Variants in LY6D observed in about 807,000 individuals in gnomAD.
LY6D encodes the protein lymphocyte antigen 6D.
LY6D carries 7 observed loss-of-function variants against 5.6 expected under a neutral mutation model. The observed-to-expected ratio is 1.24, with a 90% confidence interval of 0.71 to 2.34. LY6D has a LOEUF of 2.34. Ranked by LOEUF, LY6D falls within the 30% of genes most tolerant of loss-of-function variation. LY6D has a pLI of 0.00. For missense variants in LY6D, 148 were observed against 164.8 expected (o/e 0.90, Z 0.56); for synonymous variants, 81 against 75.0 (o/e 1.08, Z -0.41).
intron 1 of LY6D, 35 bp downstream of exon 1, chr8:142,786,430 G>GGCCCCCCCCCCCCCCCCCAGGGCCCC: frequency 1.4e-6 from 2 of 1,434,862 alleles, no homozygotes; most frequent in Non-Finnish European, 1.9e-6. Context: ...GGCCACAGCC[G>GGCCCCCCCCCCCCCCCCCAGGGCCCC]CCCACCCGCC....
intron 1 of LY6D, 185 bp from the exon 2 acceptor site, chr8:142,785,872 G>A: frequency 7.0e-7 from 1 of 1,428,830 alleles, no homozygotes; most frequent in Non-Finnish European, 9.1e-7. Context: ...CAGGGGACAT[G>A]TATTCCAGCC....
At position 142,786,442 on chromosome 8, in the gene LY6D, G is replaced by A. The variant is rs2572926; in HGVS notation, c.52+23C>T. On this transcript the variant is annotated intron_variant, in intron 1 of 2. Coordinates refer to ENST00000301263, the MANE Select transcript of LY6D (RefSeq NM_003695.3). ...ACAGGCCACAGCCGCCCACCCGCCCGTCCCCTTGGCCCAGCCCCTCACCTG... is the reference window on the plus strand; with the variant it reads ...ACAGGCCACAGCCGCCCACCCGCCCATCCCCTTGGCCCAGCCCCTCACCTG... 3.7e-3 allele frequency: 4,322 copies of A among 1,179,164 alleles called. 115 individuals carry two copies. In the African/African-American group the frequency reaches 0.06, roughly 16 times the overall value. The allele number at this position is 1,179,164 out of a possible 1,614,324, so 73.0% of individuals were successfully genotyped here.
intron 1 of LY6D, chr8:142,786,218 C>A (rs1815652829): frequency 7.5e-7 from 1 of 1,332,514 alleles, no homozygotes; most frequent in East Asian, 3.0e-5. Context: ...CTCAAGACAA[C>A]CCCCTGCTCC....
At chr8:142,786,413 C>G (rs1815655685) in intron 1 of LY6D, 52 bp downstream of exon 1, 1 of 1,516,358 alleles carries the variant, frequency 6.6e-7, no homozygotes, top group Non-Finnish European at 8.9e-7. Context: ...TATTTGGTGA[C>G]CACACAGGCC....
intron 1 of LY6D, 63 bp from the exon 2 acceptor site, chr8:142,785,750 C>T (rs986402578): frequency 6.3e-6 from 10 of 1,594,368 alleles, no homozygotes; most frequent in Non-Finnish European, 7.7e-6. Flanking sequence ...TCAGCAGGGC[C>T]TGCTCCCCCA....
rs549768569 is a variant in LY6D at position 142,785,139 on chromosome 8, C to T, written c.*82G>A. 2.0e-5 allele frequency: 23 copies of T among 1,156,924 alleles called. No individual in the cohort carries two copies. In the African/African-American group the frequency reaches 2.6e-4, roughly 13 times the overall value. 71.7% of individuals were successfully genotyped at this position (1,156,924 alleles called of 1,614,324 possible). A position where few individuals can be genotyped will look rare whatever the true frequency, so the allele number is the denominator to read the frequency against. ...CCCTCAGCCTGGGGCTCCTGGCACC[C>T]CCGTTGCGGCTGGGGAAGAGAGGTG... On this transcript the variant is annotated 3_prime_UTR_variant, in exon 3 of 3. Coordinates refer to ENST00000301263, the MANE Select transcript of LY6D (RefSeq NM_003695.3).
chr8:142,785,179 A>G lies in LY6D; in HGVS notation c.*42T>C. ...GAAGAGAGGTGTGGAATCCCCAGAG[A>G]AAGGGAAGGAAAGGCATGAGGGGCC... On this transcript the variant is annotated 3_prime_UTR_variant, in exon 3 of 3. Transcript: ENST00000301263. The G allele has an allele frequency of 6.7e-7, 1 of 1,489,262 alleles. No homozygotes were observed. Among genetic ancestry groups the G allele is most frequent in the South Asian group, 1.2e-5 (1 of 83,770 alleles). The allele number at this position is 1,489,262 out of a possible 1,614,324, so 92.3% of individuals were successfully genotyped here.
chr8:142,786,049 G>A lies in LY6D; in HGVS notation c.53-362C>T, dbSNP rs557381631. ...ATGGCTATGTTTCTGAGGGCCTGACGGAGCTAAGGCCCCGGGGGCAGCCAG... is the reference window on the plus strand; with the variant it reads ...ATGGCTATGTTTCTGAGGGCCTGACAGAGCTAAGGCCCCGGGGGCAGCCAG... On this transcript the variant is annotated intron_variant, in intron 1 of 2. Transcript: ENST00000301263. 19 of 1,200,732 alleles carry A rather than the reference G, an allele frequency of 1.6e-5. No homozygotes were observed. In the East Asian group the frequency reaches 3.0e-4, roughly 19 times the overall value. The allele number at this position is 1,200,732 out of a possible 1,614,324, so 74.4% of individuals were successfully genotyped here. A position where few individuals can be genotyped will look rare whatever the true frequency, so the allele number is the denominator to read the frequency against.
chr8:142,786,250 C>T, intron 1 of LY6D: 1 of 1,372,650 alleles, frequency 7.3e-7, no homozygotes, highest in East Asian at 2.8e-5. Flanking sequence ...GTCCGTGACT[C>T]CAGGAGTCAG....
intron 1 of LY6D, chr8:142,786,170 G>A (rs1815651206): frequency 7.9e-6 from 10 of 1,265,212 alleles, no homozygotes; most frequent in South Asian, 2.4e-5. Flanking sequence ...AGGGGCTGGT[G>A]GCAGGGACTA....
intron 1 of LY6D, 48 bp downstream of exon 1, chr8:142,786,417 A>G (rs1249812721): frequency 2.6e-6 from 4 of 1,522,348 alleles, no homozygotes; most frequent in Non-Finnish European, 3.5e-6. Flanking sequence ...TGGTGACCAC[A>G]CAGGCCACAG....
At chr8:142,785,737 G>C (rs374976384) in intron 1 of LY6D, 50 bp from the exon 2 acceptor site, 5 of 1,605,720 alleles carry the variant, frequency 3.1e-6, no homozygotes, top group Non-Finnish European at 4.3e-6. Flanking sequence ...GCCTCCTGGT[G>C]ACTCAGCAGG....
At position 142,784,951 on chromosome 8, in the gene LY6D, T is replaced by G; in HGVS notation, c.*270A>C. 1 of 473,210 alleles carries G rather than the reference T, an allele frequency of 2.1e-6. No individual in the cohort carries two copies. 29.3% of individuals were successfully genotyped at this position (473,210 alleles called of 1,614,324 possible). ...ATAAACGGCAACAAAACAGAAGGAG[T>G]GTGAAATCCGGGGATCCACAGGGCT... is the stretch of plus-strand genomic sequence containing the variant. On this transcript the variant is annotated 3_prime_UTR_variant, in exon 3 of 3. Coordinates refer to ENST00000301263, the MANE Select transcript of LY6D (RefSeq NM_003695.3).
In LY6D at chr8:142,785,342, TC is replaced by T; in HGVS notation, c.265del (p.Glu89ArgfsTer29). The T allele has an allele frequency of 3.1e-6, 5 of 1,613,762 alleles. No individual in the cohort carries two copies. The highest frequency in any genetic ancestry group is 3.4e-6 in the Non-Finnish European group (4 of 1,179,944). ...SGTSSTQCCQ[E>X]DLCNEKLHNA... Reference sequence around the variant, plus strand: ...GTGCAGCTTCTCATTGCACAGGTCCTCCTGGCAGCACTGGGTGGAGCTGGTG... The same window carrying T: ...GTGCAGCTTCTCATTGCACAGGTCCTCTGGCAGCACTGGGTGGAGCTGGTG... On this transcript the variant is annotated frameshift_variant, in exon 3 of 3. Coordinates refer to ENST00000301263, the MANE Select transcript of LY6D (RefSeq NM_003695.3). LOFTEE classifies it low-confidence loss of function (END_TRUNC).
At chr8:142,786,339 A>C (rs540415145) in intron 1 of LY6D, 126 bp downstream of exon 1, 2 of 1,379,636 alleles carry the variant, frequency 1.4e-6, no homozygotes, top group South Asian at 3.5e-5. Flanking sequence ...TTAAATTTGA[A>C]GAGTCTAGCA....
Position 142,785,009 on chromosome 8 carries a change from GCATCCTCTGTGGGGTGGCTT to G in LY6D, c.*192_*211del. The G allele has an allele frequency of 3.6e-6, 2 of 561,734 alleles. No individual in the cohort carries two copies. Among genetic ancestry groups the G allele is most frequent in the South Asian group, 2.5e-5 (1 of 39,634 alleles). 34.8% of individuals were successfully genotyped at this position (561,734 alleles called of 1,614,324 possible). A position where few individuals can be genotyped will look rare whatever the true frequency, so the allele number is the denominator to read the frequency against. ...TCCACCTTCCATGCAGCTGGGGGCT[GCATCCTCTGTGGGGTGGCTT>G]CATCCTCTGTGGGGTCTGTGGGGCC... On this transcript the variant is annotated 3_prime_UTR_variant, in exon 3 of 3. Coordinates refer to ENST00000301263, the MANE Select transcript of LY6D (RefSeq NM_003695.3).
chr8:142,785,085 C>T lies in LY6D; in HGVS notation c.*136G>A, dbSNP rs1815625719. 1 of 692,852 alleles carries T rather than the reference C, an allele frequency of 1.4e-6. No individual in the cohort carries two copies. 42.9% of individuals were successfully genotyped at this position (692,852 alleles called of 1,614,324 possible). A position where few individuals can be genotyped will look rare whatever the true frequency, so the allele number is the denominator to read the frequency against. On this transcript the variant is annotated 3_prime_UTR_variant, in exon 3 of 3. Coordinates refer to ENST00000301263, the MANE Select transcript of LY6D (RefSeq NM_003695.3). ...CAAGTCATCAGCATTCCATGCCCAC[C>T]TGGACCTGGTCCCAGACTTTCGGGG... is the stretch of plus-strand genomic sequence containing the variant.
Position 142,785,193 on chromosome 8 carries a change from G to T in LY6D, c.*28C>A, listed in dbSNP as rs754154423. On this transcript the variant is annotated 3_prime_UTR_variant, in exon 3 of 3. Coordinates refer to ENST00000301263, the MANE Select transcript of LY6D (RefSeq NM_003695.3). Reference sequence around the variant, plus strand: ...AATCCCCAGAGAAAGGGAAGGAAAGGCATGAGGGGCCTTCCCTGGGGGGAA... The same window carrying T: ...AATCCCCAGAGAAAGGGAAGGAAAGTCATGAGGGGCCTTCCCTGGGGGGAA... 13 of 1,543,998 alleles carry T rather than the reference G, an allele frequency of 8.4e-6. No individual in the cohort carries two copies. The Admixed American group carries it at 1.4e-4, about 16-fold the overall frequency.
intron 1 of LY6D, chr8:142,786,198 T>G (rs1158527875): frequency 2.3e-6 from 3 of 1,300,476 alleles, no homozygotes; most frequent in African/African-American, 1.5e-5. Context: ...GCTCTCCCAG[T>G]GAGAAGCATC....
Sources: gnomAD v4.1 joint callset for allele counts on GRCh38, gnomAD v4.1.1 for gene constraint, MANE v1.5 for transcripts, NCBI Gene and HGNC (gene_info 2026-07-23, HGNC 2026-07-21) for gene names.